The following RELL1 variants were observed in gnomAD, a reference collection of about 807,000 sequenced individuals.
RELL1 encodes the protein RELT like 1.
A neutral mutation model predicts 23.0 loss-of-function variants in RELL1; 10 were observed. That is an observed-to-expected ratio of 0.43 (90% CI 0.27 to 0.74). The LOEUF (loss-of-function observed/expected upper bound fraction) is 0.74. Ranked by LOEUF, RELL1 falls within the 30% of genes least tolerant of loss-of-function variation. The probability of loss-of-function intolerance (pLI) is 0.19; values close to 1 mark genes in which losing one functional copy is unlikely to be tolerated. For synonymous variants in RELL1, 146 were observed against 146.8 expected (o/e 0.99, Z 0.04); for missense variants, 315 against 364.4 (o/e 0.86, Z 1.10).
intron 1 of RELL1, among the ~76,000 whole-genome samples, chr4:37,663,350 A>G (rs1721420513): frequency 6.6e-6 from 1 of 152,224 alleles, no homozygotes; most frequent in Non-Finnish European, 1.5e-5. Flanking sequence ...GGCTCTTGCG[A>G]ACCTTTAAAA....
chr4:37,597,924 G>A (rs1401355202), intron 6 of RELL1, among the ~76,000 whole-genome samples: 6 of 151,878 alleles, frequency 4.0e-5, no homozygotes, highest in African/African-American at 4.8e-5. Flanking sequence ...GGTGGTGCTC[G>A]CCTGTAATCC....
downstream of RELL1, among the ~76,000 whole-genome samples, chr4:37,607,007 C>T (rs776575235): frequency 4.0e-4 from 61 of 152,314 alleles, no homozygotes; most frequent in Admixed American, 1.2e-3. Context: ...GGGCACATCA[C>T]CTGTATGGTG....
At chr4:37,596,707 G>C (rs1182794620) in intron 6 of RELL1, among the ~76,000 whole-genome samples, 5 of 53,546 alleles carry the variant, frequency 9.3e-5, no homozygotes, top group Admixed American at 2.5e-4. Flanking sequence ...GACAAAACTG[G>C]GCATATATAT....
intron 4 of RELL1, among the ~76,000 whole-genome samples, chr4:37,636,862 T>C (rs918104222): frequency 2.0e-5 from 3 of 152,074 alleles, no homozygotes; most frequent in Admixed American, 2.0e-4. Flanking sequence ...ACTGGCCACC[T>C]ACACACTTAA....
At chr4:37,635,494 G>C (rs1172431010) in intron 4 of RELL1, among the ~76,000 whole-genome samples, 3 of 152,168 alleles carry the variant, frequency 2.0e-5, no homozygotes, top group Non-Finnish European at 2.9e-5. Context: ...AGGCATGATG[G>C]TGCGTGCCTG....
At chr4:37,590,864 G>A (rs759697697) in exon 7 of RELL1, 1 of 1,614,224 alleles carries the variant, frequency 6.2e-7, no homozygotes, top group South Asian at 1.1e-5. Context: ...GTTGACTCAG[G>A]AAACAGGCAG....
chr4:37,677,055 C>A (rs959854534), intron 1 of RELL1, among the ~76,000 whole-genome samples: 1 of 152,206 alleles, frequency 6.6e-6, no homozygotes, highest in Non-Finnish European at 1.5e-5. Flanking sequence ...GTGTTAATTA[C>A]AAGATGACCA....
chr4:37,617,657 C>T (rs1719619191), intron 6 of RELL1, among the ~76,000 whole-genome samples: 1 of 152,146 alleles, frequency 6.6e-6, no homozygotes, highest in African/African-American at 2.4e-5. Context: ...ATGACGCATG[C>T]CTGTAGTCCC....
At chr4:37,659,694 G>C (rs1200993175) in intron 1 of RELL1, among the ~76,000 whole-genome samples, 1 of 152,098 alleles carries the variant, frequency 6.6e-6, no homozygotes, top group East Asian at 1.9e-4. Context: ...TGTCCTTCAT[G>C]GTTCTCAGAA....
chr4:37,647,171 T>G (rs1037922044), intron 3 of RELL1, among the ~76,000 whole-genome samples, 197 bp downstream of exon 3: 3 of 152,226 alleles, frequency 2.0e-5, no homozygotes, highest in Non-Finnish European at 4.4e-5. Context: ...GCTGGGTCTC[T>G]GCAACGCTTA....
chr4:37,592,174 A>G (rs1718643535), intron 6 of RELL1, among the ~76,000 whole-genome samples: 1 of 143,216 alleles, frequency 7.0e-6, no homozygotes, highest in Non-Finnish European at 1.5e-5. Context: ...GTGCCACTGC[A>G]CTCCAGCCTG....
rs530631214 is a variant in RELL1 at position 37,612,373 on chromosome 4, C to G, written c.*973G>C. Among the ~76,000 whole-genome samples the G allele has an allele frequency of 1.3e-5, 2 of 148,838 alleles. No homozygotes were observed. ...ACAAAAAACCGGGTGCAGTGGCCCA[C>G]GCCTATATTCCCAGCACTTTGGGAG... On this transcript the variant is annotated 3_prime_UTR_variant, in exon 7 of 7. Coordinates refer to ENST00000454158, the MANE Select transcript of RELL1 (RefSeq NM_001085400.2).
chr4:37,621,624 G>C (rs1349503156), intron 6 of RELL1, among the ~76,000 whole-genome samples: 3 of 152,116 alleles, frequency 2.0e-5, no homozygotes, highest in Non-Finnish European at 2.9e-5. Flanking sequence ...GCCCTCCAAA[G>C]TCTCTAGCCT....
At chr4:37,606,192 AG>A (rs1182505836), downstream of RELL1, among the ~76,000 whole-genome samples, 9 of 107,994 alleles carry the variant, frequency 8.3e-5, no homozygotes, top group Non-Finnish European at 1.7e-4. This position sits in a 1 kb window ranked among gnomAD's most constrained non-coding sequence, Gnocchi z 4.1. Context: ...AGAAAGAAAG[AG>A]AAAGAAGAAA....
At chr4:37,661,978 C>T (rs1206094802) in intron 1 of RELL1, among the ~76,000 whole-genome samples, 1 of 152,164 alleles carries the variant, frequency 6.6e-6, no homozygotes, top group African/African-American at 2.4e-5. Context: ...ATGGCACCCA[C>T]CTGCCAAAGT....
At chr4:37,604,966 TACAC>T (rs1235438113) in intron 6 of RELL1, among the ~76,000 whole-genome samples, 37 of 133,242 alleles carry the variant, frequency 2.8e-4, no homozygotes, top group Admixed American at 3.8e-4. Flanking sequence ...GACACACACA[TACAC>T]ACAGTACTTC....
rs1441816900 is a variant in RELL1 at position 37,672,808 on chromosome 4, G to A, written c.88+13392C>T. Among the ~76,000 whole-genome samples the A allele has an allele frequency of 2.6e-5, 4 of 152,296 alleles. No individual in the cohort carries two copies. In the East Asian group the frequency reaches 7.7e-4, roughly 29 times the overall value. On this transcript the variant is annotated intron_variant, in intron 1 of 6. Transcript: ENST00000454158. The stretch of plus-strand genomic sequence containing the variant: ...AAACTCACCAGAAGTGACAGAGATG[G>A]AGCCCTTAGCCAAGCAGGATTTACA...
Position 37,649,478 on chromosome 4 carries a change from C to T in RELL1, c.111G>A (p.Leu37=), listed in dbSNP as rs781764311. The T allele has an allele frequency of 6.8e-6, 11 of 1,613,794 alleles. No homozygotes were observed. Among genetic ancestry groups the T allele is most frequent in the Admixed American group, 1.7e-5 (1 of 60,030 alleles). The part of the protein sequence containing the change: ...VAPDNGSSRT[L]HSRTETTPSP... Reference sequence around the variant, plus strand: ...ACGGGGTCGTCTCTGTTCTGGAGTGCAATGTGCGGCTGCTCCCATTGTCTA... The same window carrying T: ...ACGGGGTCGTCTCTGTTCTGGAGTGTAATGTGCGGCTGCTCCCATTGTCTA... The change falls in exon 2 of 7, where the codon TTG becomes TTA. Residue 37 remains leucine, a synonymous_variant. Coordinates refer to ENST00000454158, the MANE Select transcript of RELL1 (RefSeq NM_001085400.2).
At chr4:37,622,806 T>G (rs898754429) in intron 6 of RELL1, 19 of 448,970 alleles carry the variant, frequency 4.2e-5, no homozygotes, top group African/African-American at 3.3e-4. Flanking sequence ...ATGCTTTTTT[T>G]TTTTTTTTTT....
Sources: allele counts gnomAD v4.1 joint callset (sites outside exome capture counted in the v4.1 genomes callset), GRCh38; gene constraint gnomAD v4.1.1; non-coding constraint Gnocchi (gnomAD v3.1); transcripts MANE v1.5; gene names NCBI Gene and HGNC (gene_info 2026-07-23, HGNC 2026-07-21).